Variants in PKIB observed in about 807,000 individuals in gnomAD.
The protein encoded by PKIB is cAMP-dependent protein kinase inhibitor beta.
PKIB carries 2 observed loss-of-function variants against 4.5 expected under a neutral mutation model. The observed-to-expected ratio is 0.44, with a 90% confidence interval of 0.18 to 1.39. The LOEUF (loss-of-function observed/expected upper bound fraction) is 1.39. Among genes scored for constraint, PKIB ranks in the 40% most tolerant of loss-of-function variants. PKIB has a pLI of 0.27. For missense variants in PKIB, 94 were observed against 92.6 expected (o/e 1.02, Z -0.06); for synonymous variants, 38 against 36.0 (o/e 1.06, Z -0.20).
At chr6:122,554,932 C>T (rs1371081645) in intron 2 of PKIB, among the ~76,000 whole-genome samples, 1 of 151,970 alleles carries the variant, frequency 6.6e-6, no homozygotes, top group East Asian at 1.9e-4. Flanking sequence ...TCAATAAAAC[C>T]AACAGCAAAT....
chr6:122,519,735 T>C (rs1255894659), intron 2 of PKIB, among the ~76,000 whole-genome samples: 1 of 152,240 alleles, frequency 6.6e-6, no homozygotes, highest in Non-Finnish European at 1.5e-5. Context: ...TATGTTTTCC[T>C]GAATCTTTCT....
intron 3 of PKIB, among the ~76,000 whole-genome samples, chr6:122,705,932 G>A (rs9401575): frequency 0.25 from 37,736 of 152,022 alleles, 5,175 homozygotes; most frequent in East Asian, 0.45. Context: ...GTGCTTACAG[G>A]ATACGTTCAC....
intron 2 of PKIB, among the ~76,000 whole-genome samples, chr6:122,657,372 G>T (rs939076150): frequency 6.6e-6 from 1 of 152,114 alleles, no homozygotes; most frequent in African/African-American, 2.4e-5. Context: ...TGGTTATTCC[G>T]TTGGCTTGCA....
intron 2 of PKIB, among the ~76,000 whole-genome samples, chr6:122,540,829 G>C (rs1250127457): frequency 6.6e-6 from 1 of 151,358 alleles, no homozygotes; most frequent in Admixed American, 6.6e-5. Flanking sequence ...TCTCTTTGTA[G>C]GTCACTCAGG....
chr6:122,635,559 A>AC (rs1422588670), intron 2 of PKIB, among the ~76,000 whole-genome samples: 1 of 151,546 alleles, frequency 6.6e-6, no homozygotes, highest in Non-Finnish European at 1.5e-5. Context: ...AAAAAAAAAA[A>AC]AAACTAAAAA....
At chr6:122,584,643 T>C (rs1773799226) in intron 2 of PKIB, among the ~76,000 whole-genome samples, 1 of 152,140 alleles carries the variant, frequency 6.6e-6, no homozygotes, top group African/African-American at 2.4e-5. Flanking sequence ...GAAGAAAAAT[T>C]GAATTATATT....
chr6:122,712,481 G>C (rs1779311689), intron 3 of PKIB, among the ~76,000 whole-genome samples: 1 of 152,324 alleles, frequency 6.6e-6, no homozygotes, highest in South Asian at 2.1e-4. Flanking sequence ...GATACTGAGA[G>C]CTGGAGAGAG....
intron 2 of PKIB, among the ~76,000 whole-genome samples, chr6:122,561,980 T>G (rs1562251952): frequency 7.2e-6 from 1 of 139,730 alleles, no homozygotes; most frequent in South Asian, 2.3e-4. Flanking sequence ...CATAGTTTTT[T>G]TTTGTTTGTT....
chr6:122,538,784 C>G (rs1189124839), intron 2 of PKIB, among the ~76,000 whole-genome samples: 1 of 152,086 alleles, frequency 6.6e-6, no homozygotes, highest in African/African-American at 2.4e-5. Context: ...TGGCCATTTT[C>G]ACAATATTGA....
chr6:122,518,982 A>G (rs1776848919), intron 2 of PKIB, among the ~76,000 whole-genome samples: 1 of 152,210 alleles, frequency 6.6e-6, no homozygotes, highest in Non-Finnish European at 1.5e-5. Flanking sequence ...ATCTAGAGGA[A>G]GAAGAAAATG....
chr6:122,627,167 C>T (rs929959032), intron 1 of PKIB, among the ~76,000 whole-genome samples: 2 of 151,142 alleles, frequency 1.3e-5, no homozygotes, highest in South Asian at 2.1e-4. Context: ...GGCGTAAACC[C>T]GGGAGGCGGA....
chr6:122,508,705 G>C (rs1776494628), intron 2 of PKIB, among the ~76,000 whole-genome samples: 1 of 152,084 alleles, frequency 6.6e-6, no homozygotes, highest in Non-Finnish European at 1.5e-5. Flanking sequence ...ATGTTGAGTA[G>C]CTTGTACAAC....
At chr6:122,699,397 TTA>T (rs1778707022) in intron 3 of PKIB, among the ~76,000 whole-genome samples, 1 of 152,152 alleles carries the variant, frequency 6.6e-6, no homozygotes, top group African/African-American at 2.4e-5. Flanking sequence ...AGCAAAATAT[TTA>T]TCAGTTGCTG....
intron 2 of PKIB, among the ~76,000 whole-genome samples, chr6:122,655,068 A>G (rs1445170788): frequency 6.6e-6 from 1 of 151,870 alleles, no homozygotes; most frequent in East Asian, 1.9e-4. Context: ...GCCCATTGCA[A>G]CCTCCACCCC....
chr6:122,512,741 T>A (rs1776624974), intron 2 of PKIB, among the ~76,000 whole-genome samples: 1 of 152,168 alleles, frequency 6.6e-6, no homozygotes, highest in African/African-American at 2.4e-5. Flanking sequence ...AAATATTCCT[T>A]GACATTTAAA....
intron 2 of PKIB, among the ~76,000 whole-genome samples, chr6:122,517,687 T>C (rs1014884048): frequency 3.3e-5 from 5 of 152,228 alleles, no homozygotes; most frequent in African/African-American, 1.2e-4. Context: ...TTTCACTTTG[T>C]CTATGTATAT....
intron 2 of PKIB, among the ~76,000 whole-genome samples, chr6:122,551,875 T>A (rs988240628): frequency 3.5e-4 from 5 of 14,418 alleles, no homozygotes; most frequent in Non-Finnish European, 4.7e-4. Context: ...TTAGTACATC[T>A]TTTTTTTTTT....
rs199519332 is a variant in PKIB at position 122,703,935 on chromosome 6, TATATATAGAGAGAGAG to T, written c.-8-13850_-8-13835del. Among the ~76,000 whole-genome samples, 11 of 128,596 alleles carry T rather than the reference TATATATAGAGAGAGAG, an allele frequency of 8.6e-5. No individual in the cohort carries two copies. In the East Asian group the frequency reaches 1.9e-3, roughly 22 times the overall value. The allele number at this position is 128,596 out of a possible 152,430, so 84.4% of individuals were successfully genotyped here. On this transcript the variant is annotated intron_variant, in intron 3 of 4. Coordinates refer to ENST00000368452, the MANE Select transcript of PKIB (RefSeq NM_181795.3). Reference sequence around the variant, plus strand: ...ATATATATGTGTGTATATATATATATATATATAGAGAGAGAGAGAGAGAGAGAGAGAGAGAGAGAAA... The same window carrying T: ...ATATATATGTGTGTATATATATATATAGAGAGAGAGAGAGAGAGAGAGAAA...
At chr6:122,472,431 A>G (rs976252010) in intron 1 of PKIB, among the ~76,000 whole-genome samples, 5 of 128,840 alleles carry the variant, frequency 3.9e-5, no homozygotes, top group African/African-American at 1.5e-4. Flanking sequence ...AATTAGTTAG[A>G]TAAGACATTA....
Sources: gnomAD v4.1 joint callset for allele counts (sites outside exome capture counted in the v4.1 genomes callset) on GRCh38, gnomAD v4.1.1 for gene constraint, MANE v1.5 for transcripts, NCBI Gene and HGNC (gene_info 2026-07-23, HGNC 2026-07-21) for gene names.